Variants in CDK14 observed in about 807,000 individuals in gnomAD.
CDK14 encodes the protein cyclin-dependent kinase 14.
Under a neutral mutation model 60.7 loss-of-function variants are expected in CDK14, and 34 were observed. The ratio of observed to expected loss-of-function variants is 0.56; its 90% confidence interval spans 0.43 to 0.75. The LOEUF (loss-of-function observed/expected upper bound fraction) is 0.75. Among genes scored for constraint, CDK14 ranks in the 30% least tolerant of loss-of-function variants. The pLI is 0.00. For synonymous variants in CDK14, 197 were observed against 203.7 expected, an observed-to-expected ratio of 0.97 and a Z score of 0.28; for missense variants, 482 against 564.1, an observed-to-expected ratio of 0.85 and a Z score of 1.47.
chr7:90,972,555 G>A lies in CDK14; in HGVS notation c.948-11593G>A, dbSNP rs1374530802. On this transcript the variant is annotated intron_variant, in intron 9 of 14. Coordinates refer to ENST00000380050, the MANE Select transcript of CDK14 (RefSeq NM_001287135.2). Reference sequence around the variant, plus strand: ...AAGATAAATAAATGGCTACCTTGGTGCATCAAATAGTTCTAGCTTTAATTG... The same window carrying A: ...AAGATAAATAAATGGCTACCTTGGTACATCAAATAGTTCTAGCTTTAATTG... Among the ~76,000 whole-genome samples the A allele has an allele frequency of 3.3e-5, 5 of 152,160 alleles. No individual in the cohort carries two copies. In the South Asian group the frequency reaches 6.2e-4, roughly 19 times the overall value.
At chr7:90,936,548 G>T (rs1793759643) in intron 8 of CDK14, among the ~76,000 whole-genome samples, 1 of 152,068 alleles carries the variant, frequency 6.6e-6, no homozygotes, top group Non-Finnish European at 1.5e-5. Context: ...ACTCACTGTG[G>T]TTATGAGATT....
At chr7:90,904,211 TTTA>T (rs1310946882) in intron 7 of CDK14, among the ~76,000 whole-genome samples, 1 of 152,044 alleles carries the variant, frequency 6.6e-6, no homozygotes, top group African/African-American at 2.4e-5. Flanking sequence ...AGGAAAAGAT[TTTA>T]AGAGTATTCT....
At chr7:90,899,871 C>T (rs1030860686) in intron 7 of CDK14, among the ~76,000 whole-genome samples, 1 of 152,102 alleles carries the variant, frequency 6.6e-6, no homozygotes, top group Non-Finnish European at 1.5e-5. Context: ...TAAAATTTGA[C>T]CTCACAATCA....
At chr7:90,666,597 T>C (rs999687058) in intron 2 of CDK14, among the ~76,000 whole-genome samples, 2 of 152,360 alleles carry the variant, frequency 1.3e-5, no homozygotes, top group South Asian at 4.1e-4. Context: ...TTTGAAGATA[T>C]CTGTCAATAT....
chr7:91,155,356 G>A, intron 14 of CDK14, among the ~76,000 whole-genome samples: 1 of 152,318 alleles, frequency 6.6e-6, no homozygotes, highest in East Asian at 1.9e-4. Flanking sequence ...ACTAATTCTA[G>A]TTAATAAATG....
At chr7:90,990,042 T>C (rs1795485754) in intron 10 of CDK14, among the ~76,000 whole-genome samples, 1 of 152,146 alleles carries the variant, frequency 6.6e-6, no homozygotes, top group African/African-American at 2.4e-5. Flanking sequence ...ACTTTGATAG[T>C]TTAGTATTTT....
At chr7:90,853,628 T>C (rs1412208014) in intron 5 of CDK14, among the ~76,000 whole-genome samples, 1 of 152,178 alleles carries the variant, frequency 6.6e-6, no homozygotes, top group Non-Finnish European at 1.5e-5. Context: ...AAATGTTAAA[T>C]GGACAGTTTG....
intron 14 of CDK14, among the ~76,000 whole-genome samples, chr7:91,176,080 G>C (rs1562982610): frequency 6.6e-6 from 1 of 151,602 alleles, no homozygotes; most frequent in African/African-American, 2.4e-5. Flanking sequence ...CTCAGCAAAT[G>C]TAAAAGAACA....
At chr7:90,712,835 A>G (rs564615539) in intron 2 of CDK14, among the ~76,000 whole-genome samples, 1 of 152,106 alleles carries the variant, frequency 6.6e-6, no homozygotes, top group South Asian at 2.1e-4. Flanking sequence ...TCCTTTCTCT[A>G]TTTTACTTCA....
chr7:90,961,147 T>G (rs34843100), intron 9 of CDK14, among the ~76,000 whole-genome samples: 29,707 of 152,104 alleles, frequency 0.2, 3,714 homozygotes, highest in Non-Finnish European at 0.28. Flanking sequence ...TATTTAAAAT[T>G]TGGTCTTTAT....
intron 2 of CDK14, among the ~76,000 whole-genome samples, chr7:90,716,599 C>A (rs1243373445): frequency 6.6e-6 from 1 of 152,068 alleles, no homozygotes; most frequent in Non-Finnish European, 1.5e-5. Context: ...ATCACTCATT[C>A]CAATTCCATG....
chr7:90,622,440 A>G (rs368153867), intron 2 of CDK14, among the ~76,000 whole-genome samples: 8 of 152,200 alleles, frequency 5.3e-5, no homozygotes, highest in East Asian at 1.9e-4. Flanking sequence ...AAAACTGTCA[A>G]TCTAACGCGG....
At chr7:90,958,563 A>G (rs761749329) in intron 9 of CDK14, among the ~76,000 whole-genome samples, 1 of 152,080 alleles carries the variant, frequency 6.6e-6, no homozygotes, top group Non-Finnish European at 1.5e-5. Context: ...TTTTTTCCCA[A>G]CACAGGGATT....
intron 2 of CDK14, among the ~76,000 whole-genome samples, chr7:90,713,706 T>C (rs1802144063): frequency 6.6e-6 from 1 of 151,864 alleles, no homozygotes. Flanking sequence ...AGTTGTTTTT[T>C]GTTTACTTCT....
intron 4 of CDK14, among the ~76,000 whole-genome samples, chr7:90,760,264 A>G (rs892421462): frequency 2.0e-5 from 3 of 152,254 alleles, no homozygotes; most frequent in Non-Finnish European, 4.4e-5. Flanking sequence ...AGGCAGCAGC[A>G]GTTAACCACC....
intron 11 of CDK14, among the ~76,000 whole-genome samples, chr7:91,059,255 CT>C (rs766218168): frequency 7.2e-5 from 11 of 152,188 alleles, no homozygotes; most frequent in Non-Finnish European, 1.3e-4. Context: ...GTGATATCCC[CT>C]TTAACATTTT....
chr7:90,907,257 A>G (rs1200002431), intron 7 of CDK14, among the ~76,000 whole-genome samples: 10 of 151,982 alleles, frequency 6.6e-5, no homozygotes, highest in Non-Finnish European at 1.3e-4. Context: ...ACTGTGAATT[A>G]TATTGGGTTT....
At chr7:91,119,494 TAAATA>T (rs1282127264) in intron 14 of CDK14, among the ~76,000 whole-genome samples, 1 of 152,028 alleles carries the variant, frequency 6.6e-6, no homozygotes, top group African/African-American at 2.4e-5. Context: ...AAAAAGTAAA[TAAATA>T]AAATAAAAAG....
At chr7:90,780,013 C>T (rs1805241506) in intron 4 of CDK14, among the ~76,000 whole-genome samples, 1 of 152,140 alleles carries the variant, frequency 6.6e-6, no homozygotes, top group South Asian at 2.1e-4. Context: ...TCCTATAGAG[C>T]TTTAGAAGTC....
Sources: allele counts gnomAD v4.1 joint callset (sites outside exome capture counted in the v4.1 genomes callset), GRCh38; gene constraint gnomAD v4.1.1; transcripts MANE v1.5; gene names NCBI Gene and HGNC (gene_info 2026-07-23, HGNC 2026-07-21).